ADGRV1: variants seen among roughly 807,000 people sequenced by gnomAD.
The protein encoded by ADGRV1 is adhesion G protein-coupled receptor V1, also known as G-protein coupled receptor 98.
ADGRV1 carries 359 observed loss-of-function variants against 596.2 expected under a neutral mutation model. That is an observed-to-expected ratio of 0.60 (90% CI 0.55 to 0.66). ADGRV1 has a LOEUF of 0.66. Ranked by LOEUF, ADGRV1 falls within the 30% of genes least tolerant of loss-of-function variation. The pLI is 0.00. For synonymous variants in ADGRV1, 2,681 were observed against 2,679.2 expected (o/e 1.00, Z -0.02); for missense variants, 7,274 against 7,575.6 (o/e 0.96, Z 1.48).
At chr5:90,963,688 T>A (rs1413241211) in intron 83 of ADGRV1, among the ~76,000 whole-genome samples, 1 of 151,614 alleles carries the variant, frequency 6.6e-6, no homozygotes, top group African/African-American at 2.4e-5. Context: ...GACTTTGGAG[T>A]TGATTTTTCC....
At chr5:90,820,988 C>T (rs1182068472) in intron 75 of ADGRV1, among the ~76,000 whole-genome samples, 2 of 151,820 alleles carry the variant, frequency 1.3e-5, no homozygotes, top group Non-Finnish European at 3.0e-5. Context: ...GGAAGTTCTC[C>T]TGGATAATAT....
At chr5:91,034,918 T>G (rs1784744007) in intron 85 of ADGRV1, among the ~76,000 whole-genome samples, 1 of 152,128 alleles carries the variant, frequency 6.6e-6, no homozygotes, top group African/African-American at 2.4e-5. Flanking sequence ...TCCCAGTAGG[T>G]AGGACTACAG....
At chr5:90,928,360 T>C (rs1369133084) in intron 83 of ADGRV1, among the ~76,000 whole-genome samples, 1 of 151,912 alleles carries the variant, frequency 6.6e-6, no homozygotes, top group Non-Finnish European at 1.5e-5. Flanking sequence ...TAAACTTTCC[T>C]TCTCACTTCA....
At chr5:90,990,467 G>T (rs897909732) in intron 85 of ADGRV1, among the ~76,000 whole-genome samples, 1 of 152,118 alleles carries the variant, frequency 6.6e-6, no homozygotes, top group Admixed American at 6.5e-5. Flanking sequence ...AAAAAGGAAG[G>T]CCTTAACAAT....
At chr5:90,857,500 G>A (rs938121270) in intron 82 of ADGRV1, among the ~76,000 whole-genome samples, 2 of 152,080 alleles carry the variant, frequency 1.3e-5, no homozygotes, top group Admixed American at 1.3e-4. Context: ...ATAAATACCT[G>A]TATATCTTTT....
At chr5:90,716,842 G>A (rs566265457) in intron 43 of ADGRV1, 113 bp downstream of exon 43, 1 of 729,430 alleles carries the variant, frequency 1.4e-6, no homozygotes, top group South Asian at 2.1e-5. Context: ...TTCCAGCTTA[G>A]GTGTTAGACA....
At chr5:90,564,741 C>T (rs1755367694) in intron 1 of ADGRV1, among the ~76,000 whole-genome samples, 1 of 87,818 alleles carries the variant, frequency 1.1e-5, no homozygotes, top group Non-Finnish European at 2.2e-5. Context: ...ATTCTCCTGC[C>T]TCAGCCTCCC....
Position 90,791,067 on chromosome 5 carries a change from G to A in ADGRV1, c.14238G>A (p.Glu4746=). The change falls in exon 70 of 90, where the codon GAG becomes GAA. Residue 4746 remains glutamate (E), a synonymous_variant. Coordinates refer to ENST00000405460, the MANE Select transcript of ADGRV1 (RefSeq NM_032119.4). ...AGGGAGGAGCCGAACTGGATCTGGA[G>A]AAGAGTATCACATGGTTCTCTGTTT... ...SVEGGAELDL[E]KSITWFSVYA... 6.2e-7 allele frequency: 1 copy of A among 1,613,932 alleles called. No homozygotes were observed. Among genetic ancestry groups the A allele is most frequent in the African/African-American group, 1.3e-5 (1 of 75,024 alleles).
intron 83 of ADGRV1, among the ~76,000 whole-genome samples, chr5:90,948,369 A>G (rs1776774216): frequency 6.6e-6 from 1 of 152,114 alleles, no homozygotes; most frequent in Non-Finnish European, 1.5e-5. Flanking sequence ...TGACCACGGA[A>G]CCTAAGTTAA....
At chr5:90,965,661 T>C in intron 84 of ADGRV1, 130 bp downstream of exon 84, 1 of 532,322 alleles carries the variant, frequency 1.9e-6, no homozygotes, top group South Asian at 3.1e-5. Flanking sequence ...TCTCAGGATA[T>C]AAATGACAAA....
At chr5:90,652,219 T>C (rs932006408) in intron 18 of ADGRV1, 127 bp from the exon 19 acceptor site, 1 of 553,354 alleles carries the variant, frequency 1.8e-6, no homozygotes, top group South Asian at 5.1e-5. Flanking sequence ...ATAGTTTGCC[T>C]CGTAGAACCA....
chr5:90,753,449 T>C, intron 53 of ADGRV1, 125 bp from the exon 54 acceptor site: 1 of 640,234 alleles, frequency 1.6e-6, no homozygotes. Context: ...CATATTATTA[T>C]GTTGCTTAAA....
At chr5:90,686,539 T>G (rs1745674738) in intron 29 of ADGRV1, among the ~76,000 whole-genome samples, 1 of 152,072 alleles carries the variant, frequency 6.6e-6, no homozygotes, top group Admixed American at 6.5e-5. Flanking sequence ...ACAAAGGACA[T>G]GAACTCATCA....
chr5:90,708,657 CGTTTAT>C (rs1159022183), intron 38 of ADGRV1, among the ~76,000 whole-genome samples, 153 bp from the exon 39 acceptor site: 6 of 151,842 alleles, frequency 4.0e-5, no homozygotes, highest in Non-Finnish European at 8.8e-5. Context: ...AAGTTTAATA[CGTTTAT>C]GTTTATTTTT....
chr5:90,993,155 T>A (rs1411665946), intron 85 of ADGRV1, among the ~76,000 whole-genome samples: 1 of 54,202 alleles, frequency 1.8e-5, no homozygotes, highest in Non-Finnish European at 3.8e-5. Context: ...TGGTTTTCAC[T>A]TTTTTTTTTT....
At chr5:90,961,525 T>C (rs544570496) in intron 83 of ADGRV1, among the ~76,000 whole-genome samples, 347 of 142,688 alleles carry the variant, frequency 2.4e-3, no homozygotes, top group Non-Finnish European at 4.2e-3. Flanking sequence ...TGGCGGTCAT[T>C]TCAAGAATAA....
chr5:90,721,962 C>G (rs918033457), intron 45 of ADGRV1, among the ~76,000 whole-genome samples: 2 of 152,152 alleles, frequency 1.3e-5, no homozygotes, highest in African/African-American at 4.8e-5. Flanking sequence ...GCTTGGATAG[C>G]TGGACAAGAC....
chr5:90,674,310 C>T, intron 23 of ADGRV1, 76 bp downstream of exon 23: 2 of 1,193,222 alleles, frequency 1.7e-6, no homozygotes, highest in Non-Finnish European at 2.2e-6. Context: ...TCTTAAGGCA[C>T]TTTTTGCAAA....
intron 85 of ADGRV1, among the ~76,000 whole-genome samples, chr5:91,069,933 A>C (rs892169641): frequency 2.6e-4 from 39 of 152,054 alleles, no homozygotes; most frequent in Admixed American, 1.8e-3. Flanking sequence ...AGCCACAAAA[A>C]AAAAAAAAAA....
Sources: allele counts gnomAD v4.1 joint callset (sites outside exome capture counted in the v4.1 genomes callset), GRCh38; gene constraint gnomAD v4.1.1; transcripts MANE v1.5; gene names NCBI Gene and HGNC (gene_info 2026-07-23, HGNC 2026-07-21).